Variants in EWSR1 observed in about 807,000 individuals in gnomAD.
EWSR1 encodes RNA-binding protein EWS.
In EWSR1, 14 loss-of-function variants were observed where a neutral mutation model predicts 92.1. That is an observed-to-expected ratio of 0.15 (90% confidence interval 0.10 to 0.24). The LOEUF (loss-of-function observed/expected upper bound fraction) is 0.24. Among genes scored for constraint, EWSR1 ranks in the 10% least tolerant of loss-of-function variants. EWSR1 has a pLI of 1.00. For missense variants in EWSR1, 637 were observed against 870.9 expected, an observed-to-expected ratio of 0.73 and a Z score of 3.38; for synonymous variants, 303 against 292.9, an observed-to-expected ratio of 1.03 and a Z score of -0.35.
At chr22:29,290,607 T>G in intron 8 of EWSR1, 1 of 1,489,502 alleles carries the variant, frequency 6.7e-7, no homozygotes. Context: ...ACTGCATACT[T>G]GTTGTTTGGT....
chr22:29,274,636 A>G (rs904846454), intron 4 of EWSR1, among the ~76,000 whole-genome samples: 2 of 152,190 alleles, frequency 1.3e-5, no homozygotes, highest in Admixed American at 1.3e-4. Flanking sequence ...GCCACCCTGC[A>G]TGTATCATGT....
chr22:29,268,272 T>C lies in EWSR1; in HGVS notation c.-65T>C. 1 of 1,593,666 alleles carries C rather than the reference T, an allele frequency of 6.3e-7. No individual in the cohort carries two copies. The highest frequency in any genetic ancestry group is 8.6e-7 in the Non-Finnish European group (1 of 1,161,652). On this transcript the variant is annotated 5_prime_UTR_variant, in exon 1 of 17. Transcript: ENST00000397938. The stretch of plus-strand genomic sequence containing the variant: ...GGTTGCGAGATTTGCGCCTGCGCAG[T>C]GCGGCGCCTAGAGGGAAAGCGAGAG...
At chr22:29,292,762 CTTTTTTTTTT>C (rs34395867) in intron 11 of EWSR1, among the ~76,000 whole-genome samples, 156 bp downstream of exon 11, 1 of 100,844 alleles carries the variant, frequency 9.9e-6, no homozygotes, top group African/African-American at 4.0e-5. Flanking sequence ...AAAGATTAGC[CTTTTTTTTTT>C]TTTTTTTTTG....
rs2061259803 is a variant in EWSR1 at position 29,300,418 on chromosome 22, C to CAGTATCATTG, written c.*258_*267dup. On this transcript the variant is annotated 3_prime_UTR_variant, in exon 17 of 17. Transcript: ENST00000397938. ...AATGGGAACCCCTTGTGAGCATGCT[C>CAGTATCATTG]AGTATCATTGTGGAGAACCAAGAGG... 1 of 400,886 alleles carries CAGTATCATTG rather than the reference C, an allele frequency of 2.5e-6. No homozygotes were observed. The highest frequency in any genetic ancestry group is 4.5e-6 in the Non-Finnish European group (1 of 223,532). 24.8% of individuals were successfully genotyped at this position (400,886 alleles called of 1,614,324 possible). A position where few individuals can be genotyped will look rare whatever the true frequency, so the allele number is the denominator to read the frequency against.
chr22:29,298,961 A>C (rs558041426), intron 14 of EWSR1, 66 bp downstream of exon 14: 31 of 1,470,738 alleles, frequency 2.1e-5, no homozygotes, highest in Non-Finnish European at 2.8e-5. Context: ...CCCCATCCCC[A>C]CTCTAGAGTG....
At chr22:29,273,649 T>G (rs2058867587) in intron 3 of EWSR1, 92 bp from the exon 4 acceptor site, 2 of 1,426,656 alleles carry the variant, frequency 1.4e-6, no homozygotes, top group African/African-American at 2.9e-5. Flanking sequence ...AAAGGAATGT[T>G]TTTGATTTTG....
At chr22:29,299,096 T>C in intron 14 of EWSR1, 138 bp from the exon 15 acceptor site, 2 of 1,526,044 alleles carry the variant, frequency 1.3e-6, no homozygotes, top group Non-Finnish European at 1.8e-6. Flanking sequence ...GGTGCAATGC[T>C]GCCTGAGGCT....
At chr22:29,298,920 ATACCC>A in intron 14 of EWSR1, 25 bp downstream of exon 14, 1 of 1,524,124 alleles carries the variant, frequency 6.6e-7, no homozygotes, top group Non-Finnish European at 8.8e-7. Context: ...TGGCAAATTG[ATACCC>A]TACGAGTGAA....
At chr22:29,284,906 G>A (rs1348714447) in intron 6 of EWSR1, among the ~76,000 whole-genome samples, 2 of 151,024 alleles carry the variant, frequency 1.3e-5, no homozygotes, top group Admixed American at 6.6e-5. Context: ...CGCAACCCTC[G>A]CCTCCCAGGT....
chr22:29,290,716 A>G, intron 8 of EWSR1: 1 of 1,271,476 alleles, frequency 7.9e-7, no homozygotes, highest in Non-Finnish European at 1.0e-6. Context: ...TGTACTTTTA[A>G]AAAGGAAACA....
chr22:29,268,310 TGA>T lies in EWSR1; in HGVS notation c.-22_-21del. ...GGGAAAGCGAGAGGGAGACGGACGTTGAGAGAACGAGGAGGAAGGAGAGAAAA... is the reference window on the plus strand; with the variant it reads ...GGGAAAGCGAGAGGGAGACGGACGTTGAGAACGAGGAGGAAGGAGAGAAAA... On this transcript the variant is annotated 5_prime_UTR_variant, in exon 1 of 17. Transcript: ENST00000397938. 1 of 1,613,298 alleles carries T rather than the reference TGA, an allele frequency of 6.2e-7. No individual in the cohort carries two copies. Among genetic ancestry groups the T allele is most frequent in the East Asian group, 2.2e-5 (1 of 44,860 alleles).
intron 1 of EWSR1, 57 bp from the exon 2 acceptor site, chr22:29,272,159 T>A (rs1390886207): frequency 6.6e-7 from 1 of 1,519,380 alleles, no homozygotes; most frequent in Non-Finnish European, 9.1e-7. Flanking sequence ...CCCCCTTTTT[T>A]CTCTTCTCCT....
At chr22:29,273,659 G>A (rs4820803) in intron 3 of EWSR1, 82 bp from the exon 4 acceptor site, 16 of 1,461,652 alleles carry the variant, frequency 1.1e-5, no homozygotes, top group Admixed American at 2.2e-5. Context: ...TTTTGATTTT[G>A]GTTCTCCAAT....
At chr22:29,273,942 G>A in intron 4 of EWSR1, 78 bp downstream of exon 4, 1 of 1,575,932 alleles carries the variant, frequency 6.3e-7, no homozygotes, top group Non-Finnish European at 8.6e-7. Context: ...CATGCTTTCG[G>A]ATGTATATTC....
At chr22:29,271,182 T>G (rs1209241926) in intron 1 of EWSR1, among the ~76,000 whole-genome samples, 1 of 152,194 alleles carries the variant, frequency 6.6e-6, no homozygotes, top group African/African-American at 2.4e-5. Context: ...TCCGTCCTAA[T>G]GGCAGTACTG....
rs534184933 is a variant in EWSR1, at chr22:29,285,712, ACT to A, written c.582-1204_582-1203del. Among the ~76,000 whole-genome samples, 12 of 150,820 alleles carry A rather than the reference ACT, an allele frequency of 8.0e-5. No individual in the cohort carries two copies. The East Asian group carries it at 1.2e-3, about 15-fold the overall frequency. On this transcript the variant is annotated intron_variant, in intron 6 of 16. Transcript: ENST00000397938. ...GGCTTGGAACTGAATGCCTCACTTC[ACT>A]CTCTCTATATTTTCTCAGTCCCCAT...
intron 9 of EWSR1, chr22:29,291,929 A>G: frequency 1.7e-6 from 1 of 602,760 alleles, no homozygotes; most frequent in South Asian, 2.1e-5. Context: ...ATGGTTTAGA[A>G]GCAAACCAGC....
At chr22:29,293,693 T>C (rs1602507806) in intron 11 of EWSR1, among the ~76,000 whole-genome samples, 1 of 152,092 alleles carries the variant, frequency 6.6e-6, no homozygotes, top group South Asian at 2.1e-4. Flanking sequence ...GCCTCCTGAG[T>C]AGCTAGGATT....
chr22:29,292,257 A>G, intron 10 of EWSR1, 88 bp downstream of exon 10: 1 of 1,297,790 alleles, frequency 7.7e-7, no homozygotes, highest in Non-Finnish European at 1.1e-6. Context: ...CAGCAGCCTT[A>G]TAGACCAGTG....
Sources: allele counts gnomAD v4.1 joint callset (sites outside exome capture counted in the v4.1 genomes callset), GRCh38; gene constraint gnomAD v4.1.1; transcripts MANE v1.5; gene names NCBI Gene and HGNC (gene_info 2026-07-23, HGNC 2026-07-21).